ATP8B4: variants seen among roughly 807,000 people sequenced by gnomAD.
The protein encoded by ATP8B4 is probable phospholipid-transporting ATPase IM.
A neutral mutation model predicts 145.6 loss-of-function variants in ATP8B4; 133 were observed. The observed-to-expected ratio is 0.91, with a 90% confidence interval of 0.79 to 1.05. The LOEUF (loss-of-function observed/expected upper bound fraction) is 1.05, where lower values mean the gene tolerates loss of function less well. Ranked by LOEUF, ATP8B4 falls within the 50% of genes least tolerant of loss-of-function variation. The pLI, the probability that ATP8B4 is intolerant of heterozygous loss-of-function variation, is 0.00. For missense variants in ATP8B4, 1,458 were observed against 1,425.2 expected (o/e 1.02, Z -0.37); for synonymous variants, 507 against 492.9 (o/e 1.03, Z -0.38).
upstream of ATP8B4, among the ~76,000 whole-genome samples, chr15:50,120,878 G>A (rs192607363): frequency 6.6e-6 from 1 of 152,280 alleles, no homozygotes; most frequent in East Asian, 1.9e-4. Context: ...AGGTGACTAT[G>A]CAAGCTCCTA....
chr15:49,976,792 C>T (rs1428419757), intron 12 of ATP8B4, among the ~76,000 whole-genome samples: 3 of 152,080 alleles, frequency 2.0e-5, no homozygotes, highest in Admixed American at 1.3e-4. Context: ...GAACATTCAG[C>T]GCTTTCTTTT....
At chr15:50,132,098 GCA>G in intron 1 of ATP8B4, among the ~76,000 whole-genome samples, 1 of 151,994 alleles carries the variant, frequency 6.6e-6, no homozygotes, top group East Asian at 1.9e-4. Flanking sequence ...CTGTGGTTTG[GCA>G]CCCCCGAAAC....
Position 49,977,787 on chromosome 15 carries a change from T to C in ATP8B4, c.1034+1830A>G, listed in dbSNP as rs1027615696. On this transcript the variant is annotated intron_variant, in intron 12 of 27. Transcript: ENST00000284509. ...GTGTTATACTGATATCAAATATATA[T>C]TTATAATGTTATCTAAAGGTAAGGT... is the stretch of plus-strand genomic sequence containing the variant. 1.6e-4 allele frequency among the ~76,000 whole-genome samples: 24 copies of C among 152,284 alleles called. No individual in the cohort carries two copies. The South Asian group carries it at 4.6e-3, about 29-fold the overall frequency.
At chr15:49,862,122 C>T in intron 27 of ATP8B4, 123 bp downstream of exon 27, 4 of 1,242,468 alleles carry the variant, frequency 3.2e-6, no homozygotes, top group South Asian at 1.5e-5. Flanking sequence ...ATCTCATGCA[C>T]CAGTAGGTGT....
chr15:50,054,144 C>T (rs532828342), intron 3 of ATP8B4, among the ~76,000 whole-genome samples: 40 of 152,316 alleles, frequency 2.6e-4, no homozygotes, highest in African/African-American at 9.1e-4. Flanking sequence ...AGCTATGCTA[C>T]AGTAATAACT....
At chr15:50,011,049 T>C (rs1448832835) in intron 6 of ATP8B4, 132 bp from the exon 7 acceptor site, 2 of 565,898 alleles carry the variant, frequency 3.5e-6, no homozygotes, top group African/African-American at 4.0e-5. Context: ...TAATTCAAAA[T>C]GGTCTTACAT....
chr15:50,048,173 A>G (rs1245116555), intron 3 of ATP8B4, among the ~76,000 whole-genome samples: 1 of 152,050 alleles, frequency 6.6e-6, no homozygotes, highest in Non-Finnish European at 1.5e-5. Flanking sequence ...CTAGACATTA[A>G]CAGGAGGGGA....
intron 7 of ATP8B4, among the ~76,000 whole-genome samples, chr15:50,008,487 T>C (rs2048483699): frequency 6.6e-6 from 1 of 152,216 alleles, no homozygotes. Context: ...CATGTAGCTA[T>C]TTAAATCTAA....
At position 49,893,690 on chromosome 15, in the gene ATP8B4, T is replaced by C. The variant is rs552022700; in HGVS notation, c.2697+3602A>G. Among the ~76,000 whole-genome samples the C allele has an allele frequency of 5.1e-4, 78 of 152,290 alleles. 1 individual carries two copies. The highest frequency in any genetic ancestry group is 1.5e-3 in the African/African-American group (62 of 41,574). On this transcript the variant is annotated intron_variant, in intron 23 of 27. Coordinates refer to ENST00000284509, the MANE Select transcript of ATP8B4 (RefSeq NM_024837.4). ...ATTGAGTGGATATAAAGTTTCAGTT[T>C]TGCAGAAAGAAAAAGTTTTAGAGAT...
At chr15:50,172,524 C>T (rs1248700675) in intron 1 of ATP8B4, among the ~76,000 whole-genome samples, 4 of 152,258 alleles carry the variant, frequency 2.6e-5, no homozygotes, top group African/African-American at 9.6e-5. Flanking sequence ...CTGCCTTGGC[C>T]TCCCAAGGTG....
intron 6 of ATP8B4, among the ~76,000 whole-genome samples, chr15:50,023,772 C>T (rs2049775223): frequency 2.0e-5 from 1 of 50,452 alleles, no homozygotes; most frequent in African/African-American, 1.2e-4. Context: ...AAAATTGAGA[C>T]CAAAGGCAAA....
Position 49,996,757 on chromosome 15 carries a change from T to G in ATP8B4, c.509A>C (p.Glu170Ala). Residue 170 changes from glutamate (E) to alanine (A), a missense_variant and splice_region_variant, in exon 9 of 28, where the codon GAA (glutamate) becomes GCA (alanine). Glu to Ala is a moderately radical substitution (Grantham distance 107). Transcript: ENST00000284509. ...CYVETAELDG[E>A]TNLKVRHALS... ...TGCATGGCGGACTTTTAGGTTCGTT[T>G]CCCTGTGAAATTATTGACATGACAT... 6.2e-7 allele frequency: 1 copy of G among 1,608,460 alleles called. No individual in the cohort carries two copies. Among genetic ancestry groups the G allele is most frequent in the Non-Finnish European group, 8.5e-7 (1 of 1,175,938 alleles).
chr15:49,959,198 G>A (rs1035050699), intron 14 of ATP8B4, among the ~76,000 whole-genome samples: 12 of 151,512 alleles, frequency 7.9e-5, no homozygotes, highest in Admixed American at 1.3e-4. Flanking sequence ...ATATATCCAC[G>A]GAAGAAAAAA....
chr15:50,056,097 T>TCACCAC (rs937012244), intron 3 of ATP8B4, among the ~76,000 whole-genome samples: 2 of 151,942 alleles, frequency 1.3e-5, no homozygotes, highest in Non-Finnish European at 2.9e-5. Context: ...ACACTCATCA[T>TCACCAC]CACCACCACC....
chr15:49,897,644 T>A, intron 22 of ATP8B4, 129 bp from the exon 23 acceptor site: 1 of 747,224 alleles, frequency 1.3e-6, no homozygotes, highest in East Asian at 2.9e-5. Flanking sequence ...ATATATTATC[T>A]GATGAAACAC....
intron 1 of ATP8B4, among the ~76,000 whole-genome samples, chr15:50,126,856 C>A (rs897243701): frequency 6.6e-6 from 1 of 151,538 alleles, no homozygotes; most frequent in Non-Finnish European, 1.5e-5. Flanking sequence ...AACCTGCCCA[C>A]AGCCCCCACA....
At chr15:50,004,277 G>A (rs1413357279) in intron 7 of ATP8B4, among the ~76,000 whole-genome samples, 5 of 152,152 alleles carry the variant, frequency 3.3e-5, no homozygotes, top group Admixed American at 1.3e-4. Context: ...CGGTCAATGC[G>A]CTCATTGTCA....
At chr15:50,074,632 A>T (rs530909964) in intron 2 of ATP8B4, among the ~76,000 whole-genome samples, 1 of 152,362 alleles carries the variant, frequency 6.6e-6, no homozygotes, top group East Asian at 1.9e-4. Context: ...TTATGGTCTT[A>T]GAACCAAAGG....
rs991449348 is a variant in ATP8B4 at position 49,884,659 on chromosome 15, C to T, written c.2698-5200G>A. Among the ~76,000 whole-genome samples, 3 of 150,252 alleles carry T rather than the reference C, an allele frequency of 2.0e-5. No homozygotes were observed. The East Asian group carries it at 5.8e-4, about 29-fold the overall frequency. On this transcript the variant is annotated intron_variant, in intron 23 of 27. Coordinates refer to ENST00000284509, the MANE Select transcript of ATP8B4 (RefSeq NM_024837.4). ...AAGTTTCCTTGAAGGCTTTTTCCCT[C>T]ACCTTGTTTAATGTAATTGAGAGCA...
Sources: allele counts gnomAD v4.1 joint callset (sites outside exome capture counted in the v4.1 genomes callset), GRCh38; gene constraint gnomAD v4.1.1; transcripts MANE v1.5; gene names NCBI Gene and HGNC (gene_info 2026-07-23, HGNC 2026-07-21).